Variants in BRINP2 observed in about 807,000 individuals in gnomAD.
The protein encoded by BRINP2 is BMP/retinoic acid inducible neural specific 2.
In BRINP2, 21 loss-of-function variants were observed where a neutral mutation model predicts 69.2. The observed-to-expected ratio is 0.30, with a 90% CI of 0.22 to 0.44. The LOEUF is 0.44. Ranked by LOEUF, BRINP2 falls within the 20% of genes least tolerant of loss-of-function variation. BRINP2 has a pLI of 1.00. For missense variants in BRINP2, 877 were observed against 986.0 expected, an observed-to-expected ratio of 0.89 and a Z score of 1.48; for synonymous variants, 380 against 394.1, an observed-to-expected ratio of 0.96 and a Z score of 0.42.
chr1:177,254,378 G>GCACACA (rs71565492), intron 2 of BRINP2, among the ~76,000 whole-genome samples: 362 of 144,006 alleles, frequency 2.5e-3, no homozygotes, highest in African/African-American at 8.0e-3. Flanking sequence ...AAGCACACAT[G>GCACACA]CACACACACA....
intron 6 of BRINP2, 107 bp downstream of exon 6, chr1:177,276,541 G>A (rs557987630): frequency 2.1e-6 from 2 of 969,262 alleles, no homozygotes; most frequent in African/African-American, 1.6e-5. Context: ...TGGGGATCCT[G>A]ACATGACCAC....
intron 6 of BRINP2, among the ~76,000 whole-genome samples, chr1:177,276,854 C>T (rs1392771753): frequency 6.6e-6 from 1 of 152,138 alleles, no homozygotes. Flanking sequence ...GCTGTTAAAG[C>T]TAATATCAGT....
chr1:177,176,459 T>G (rs747378332), intron 1 of BRINP2, among the ~76,000 whole-genome samples: 1 of 151,358 alleles, frequency 6.6e-6, no homozygotes, highest in Non-Finnish European at 1.5e-5. Flanking sequence ...ACCCATTTCT[T>G]TTTTATTTTT....
rs534657910 is a variant in BRINP2, at chr1:177,196,018, A to G, written c.-77+24286A>G. 2.1e-4 allele frequency among the ~76,000 whole-genome samples: 32 copies of G among 152,332 alleles called. No homozygotes were observed. The South Asian group carries it at 5.6e-3, about 27-fold the overall frequency. ...TTAAGATTTTGATGACACGCTGAAT[A>G]TGAAAGTGCTTTGAAAACTGTAAAG... On this transcript the variant is annotated intron_variant, in intron 1 of 7. Transcript: ENST00000361539.
Position 177,281,774 on chromosome 1 carries a change from T to G in BRINP2, c.*246T>G. 5.1e-6 allele frequency: 2 copies of G among 388,710 alleles called. No homozygotes were observed. The highest frequency in any genetic ancestry group is 1.4e-3 in the Middle Eastern group (2 of 1,476). The allele number at this position is 388,710 out of a possible 1,614,324, so 24.1% of individuals were successfully genotyped here. A position where few individuals can be genotyped will look rare whatever the true frequency, so the allele number is the denominator to read the frequency against. ...GAGGCTACAACTAAGCAGCCTCAGA[T>G]CTGTAAAGTTGATTGGTGCTTTCTA... is the stretch of plus-strand genomic sequence containing the variant. On this transcript the variant is annotated 3_prime_UTR_variant, in exon 8 of 8. Transcript: ENST00000361539.
rs566148940 is a variant in BRINP2 at position 177,222,358 on chromosome 1, C to G, written c.-76-7443C>G. On this transcript the variant is annotated intron_variant, in intron 1 of 7. Coordinates refer to ENST00000361539, the MANE Select transcript of BRINP2 (RefSeq NM_021165.4). ...ATGGCGTCTCACTCTATTGCCCAGG[C>G]TGGAGTGCAATGGCACGATCTGGGC... 2.6e-5 allele frequency among the ~76,000 whole-genome samples: 4 copies of G among 152,200 alleles called. No homozygotes were observed. The East Asian group carries it at 7.7e-4, about 29-fold the overall frequency.
chr1:177,208,073 T>C (rs551048217), intron 1 of BRINP2, among the ~76,000 whole-genome samples: 2 of 152,210 alleles, frequency 1.3e-5, no homozygotes, highest in Admixed American at 6.5e-5. Context: ...CTTTAGAAAT[T>C]AATCTCTTTA....
intron 1 of BRINP2, among the ~76,000 whole-genome samples, chr1:177,178,857 A>C (rs903756589): frequency 1.3e-5 from 2 of 152,176 alleles, no homozygotes; most frequent in Non-Finnish European, 2.9e-5. Context: ...TCCATTCTAG[A>C]CAGAAGGTAT....
At chr1:177,206,939 T>C (rs1323371508) in intron 1 of BRINP2, among the ~76,000 whole-genome samples, 2 of 152,114 alleles carry the variant, frequency 1.3e-5, no homozygotes, top group East Asian at 3.9e-4. Context: ...CCCAGAGCAA[T>C]AGATAATACA....
chr1:177,241,198 C>T (rs1010074443), intron 2 of BRINP2, among the ~76,000 whole-genome samples: 1 of 152,154 alleles, frequency 6.6e-6, no homozygotes, highest in African/African-American at 2.4e-5. Flanking sequence ...GTCTCAATCT[C>T]GTGACCTCGT....
intron 1 of BRINP2, among the ~76,000 whole-genome samples, chr1:177,191,051 TG>T (rs1198091263): frequency 2.0e-5 from 3 of 152,192 alleles, no homozygotes; most frequent in Non-Finnish European, 2.9e-5. Flanking sequence ...GCCCTGGCTG[TG>T]TCATCAACTC....
intron 1 of BRINP2, among the ~76,000 whole-genome samples, chr1:177,193,494 G>C (rs563644893): frequency 6.6e-6 from 1 of 152,202 alleles, no homozygotes; most frequent in South Asian, 2.1e-4. Flanking sequence ...GGCCAGGAAT[G>C]CCCAACAGGC....
chr1:177,222,456 C>A (rs1363526140), intron 1 of BRINP2, among the ~76,000 whole-genome samples: 2 of 152,076 alleles, frequency 1.3e-5, no homozygotes, highest in Non-Finnish European at 2.9e-5. Flanking sequence ...GGATTACAGG[C>A]ACCTGCCATC....
At chr1:177,257,645 T>C (rs924633527) in intron 4 of BRINP2, among the ~76,000 whole-genome samples, 14 of 152,054 alleles carry the variant, frequency 9.2e-5, no homozygotes, top group African/African-American at 3.4e-4. Context: ...CTCACAGAGG[T>C]TGCACTCTGG....
intron 1 of BRINP2, among the ~76,000 whole-genome samples, chr1:177,195,542 T>C (rs1367538802): frequency 6.6e-6 from 1 of 150,802 alleles, no homozygotes; most frequent in Non-Finnish European, 1.5e-5. Flanking sequence ...TCCTATGCCG[T>C]TTCTTACTTC....
At chr1:177,278,953 G>A (rs575899474) in intron 7 of BRINP2, among the ~76,000 whole-genome samples, 168 bp downstream of exon 7, 13 of 152,232 alleles carry the variant, frequency 8.5e-5, no homozygotes, top group East Asian at 7.7e-4. Context: ...TGTGAGTTGC[G>A]TCTGAAGTGA....
chr1:177,281,382 G>A lies in BRINP2; in HGVS notation c.2206G>A (p.Val736Ile), dbSNP rs745683126. ...RVNQLSPPGK[V>I]RLDLFSCLLR... is the part of the protein sequence containing the mutation. ...GAACCAGCTTTCTCCACCTGGCAAA[G>A]TCCGACTTGACCTTTTCTCCTGCTT... Residue 736 changes from valine (V) to isoleucine (I), a missense_variant, in exon 8 of 8, where the codon GTC (valine) becomes ATC (isoleucine). Transcript: ENST00000361539. The A allele has an allele frequency of 9.3e-6, 15 of 1,614,040 alleles. 1 individual carries two copies. Among genetic ancestry groups the A allele is most frequent in the Admixed American group, 1.7e-5 (1 of 59,998 alleles).
At chr1:177,244,836 T>C (rs1650324572) in intron 2 of BRINP2, among the ~76,000 whole-genome samples, 1 of 152,090 alleles carries the variant, frequency 6.6e-6, no homozygotes, top group African/African-American at 2.4e-5. Flanking sequence ...AAATGCAAGA[T>C]GGAGAGTAGA....
At chr1:177,224,199 T>TA (rs1405269213) in intron 1 of BRINP2, among the ~76,000 whole-genome samples, 1 of 152,106 alleles carries the variant, frequency 6.6e-6, no homozygotes, top group African/African-American at 2.4e-5. Flanking sequence ...ATTTTTTTTT[T>TA]AACAACTGAC....
Sources: gnomAD v4.1 joint callset for allele counts (sites outside exome capture counted in the v4.1 genomes callset) on GRCh38, gnomAD v4.1.1 for gene constraint, MANE v1.5 for transcripts, NCBI Gene and HGNC (gene_info 2026-07-23, HGNC 2026-07-21) for gene names.